The following KCNN2 variants were observed in gnomAD, a reference collection of about 807,000 sequenced individuals.
KCNN2 encodes the protein small conductance calcium-activated potassium channel protein 2.
A neutral mutation model predicts 55.5 loss-of-function variants in KCNN2; 24 were observed. The ratio of observed to expected loss-of-function variants is 0.43; its 90% CI spans 0.31 to 0.61. The LOEUF (loss-of-function observed/expected upper bound fraction) is 0.61. Ranked by LOEUF, KCNN2 falls within the 20% of genes least tolerant of loss-of-function variation. KCNN2 has a pLI of 0.08. For missense variants in KCNN2, 754 were observed against 853.6 expected, an observed-to-expected ratio of 0.88 and a Z score of 1.45; for synonymous variants, 431 against 336.1, an observed-to-expected ratio of 1.28 and a Z score of -3.09.
At chr5:114,131,839 T>C (rs1283579865) in intron 1 of KCNN2, among the ~76,000 whole-genome samples, 2 of 152,252 alleles carry the variant, frequency 1.3e-5, no homozygotes, top group Admixed American at 1.3e-4. Flanking sequence ...CATAAGATGG[T>C]ATCTCATTGT....
intron 2 of KCNN2, among the ~76,000 whole-genome samples, chr5:114,263,773 A>T (rs78605629): frequency 1.3e-5 from 2 of 152,292 alleles, no homozygotes; most frequent in Admixed American, 6.5e-5. Flanking sequence ...AAAACAACCA[A>T]CTTGACTAAC....
At chr5:114,343,231 G>C (rs982655928) in intron 2 of KCNN2, among the ~76,000 whole-genome samples, 1 of 152,150 alleles carries the variant, frequency 6.6e-6, no homozygotes, top group African/African-American at 2.4e-5. Flanking sequence ...GAGGCTTCTT[G>C]ACATTGATTT....
intron 1 of KCNN2, among the ~76,000 whole-genome samples, chr5:114,083,031 T>G (rs1475460154): frequency 6.6e-6 from 1 of 152,116 alleles, no homozygotes; most frequent in African/African-American, 2.4e-5. Flanking sequence ...GCATTGAACT[T>G]TATACTTAGG....
chr5:114,077,003 T>A (rs1314771780), intron 1 of KCNN2, among the ~76,000 whole-genome samples: 1 of 152,190 alleles, frequency 6.6e-6, no homozygotes, highest in African/African-American at 2.4e-5. Flanking sequence ...CCAAGAACTT[T>A]TTAATAGTGA....
At chr5:114,122,794 G>A (rs1751851546) in intron 1 of KCNN2, among the ~76,000 whole-genome samples, 1 of 152,214 alleles carries the variant, frequency 6.6e-6, no homozygotes, top group Non-Finnish European at 1.5e-5. Context: ...GGAGACACCT[G>A]GAAGAGAAGG....
intron 5 of KCNN2, among the ~76,000 whole-genome samples, chr5:114,477,675 T>C (rs905825809): frequency 7.2e-5 from 11 of 152,218 alleles, no homozygotes; most frequent in Non-Finnish European, 1.5e-4. Context: ...TTTGGAAATA[T>C]ATTATTATTA....
intron 1 of KCNN2, among the ~76,000 whole-genome samples, chr5:114,154,601 G>T (rs1752593452): frequency 6.6e-6 from 1 of 152,092 alleles, no homozygotes; most frequent in Admixed American, 6.5e-5. Context: ...TCATCCAGAT[G>T]GACTATATAA....
intron 2 of KCNN2, among the ~76,000 whole-genome samples, chr5:114,367,723 T>A (rs1424703683): frequency 6.6e-6 from 1 of 151,984 alleles, no homozygotes; most frequent in Non-Finnish European, 1.5e-5. Context: ...CAAAACGGAG[T>A]TCAACTATCC....
chr5:114,115,667 G>C (rs1201995751), intron 1 of KCNN2, among the ~76,000 whole-genome samples: 1 of 151,780 alleles, frequency 6.6e-6, no homozygotes, highest in Non-Finnish European at 1.5e-5. Context: ...TGGGTGATTT[G>C]GGAAATGTTG....
At chr5:114,213,133 A>T (rs1753923841) in intron 1 of KCNN2, among the ~76,000 whole-genome samples, 1 of 151,948 alleles carries the variant, frequency 6.6e-6, no homozygotes, top group African/African-American at 2.4e-5. Flanking sequence ...GCCATTAGAA[A>T]TTCCTTTGTC....
At chr5:114,103,144 A>AT (rs1319961784) in intron 1 of KCNN2, among the ~76,000 whole-genome samples, 4 of 151,984 alleles carry the variant, frequency 2.6e-5, no homozygotes, top group African/African-American at 9.7e-5. Flanking sequence ...CCTTGAAGAG[A>AT]TCCTCTACAT....
intron 2 of KCNN2, among the ~76,000 whole-genome samples, chr5:114,287,808 T>G (rs1037720): frequency 0.43 from 64,933 of 151,586 alleles, 14,612 homozygotes; most frequent in Non-Finnish European, 0.49. Context: ...TCTAACTAGA[T>G]AGGGTTGATG....
At chr5:114,396,069 C>G (rs912313469) in intron 2 of KCNN2, among the ~76,000 whole-genome samples, 3 of 152,210 alleles carry the variant, frequency 2.0e-5, no homozygotes, top group Non-Finnish European at 4.4e-5. Context: ...TTGCCTCCCT[C>G]CAGCCCTTGG....
chr5:114,096,964 C>G (rs1249294170), intron 1 of KCNN2, among the ~76,000 whole-genome samples: 1 of 151,838 alleles, frequency 6.6e-6, no homozygotes, highest in Non-Finnish European at 1.5e-5. Flanking sequence ...AGATGAGACA[C>G]TGAGACTCAG....
chr5:114,335,759 A>G (rs1300638985), intron 2 of KCNN2, among the ~76,000 whole-genome samples: 1 of 149,336 alleles, frequency 6.7e-6, no homozygotes, highest in Non-Finnish European at 1.5e-5. Context: ...CTCAAGAAAA[A>G]GAAAGAAAAA....
At chr5:114,154,986 GGTATTAAGACTA>G (rs965760310) in intron 1 of KCNN2, among the ~76,000 whole-genome samples, 131 of 152,058 alleles carry the variant, frequency 8.6e-4, no homozygotes, top group African/African-American at 3.1e-3. Flanking sequence ...TCATCACCCA[GGTATTAAGACTA>G]GTATCTATTA....
intron 2 of KCNN2, among the ~76,000 whole-genome samples, chr5:114,354,922 C>CA (rs1005614607): frequency 5.3e-5 from 8 of 152,190 alleles, no homozygotes; most frequent in African/African-American, 1.7e-4. Flanking sequence ...AGCCATAAGA[C>CA]AAAACAGCAG....
chr5:114,274,677 A>G (rs1755446282), intron 2 of KCNN2, among the ~76,000 whole-genome samples: 1 of 152,132 alleles, frequency 6.6e-6, no homozygotes, highest in African/African-American at 2.4e-5. Context: ...ATTTTTGCAC[A>G]TTGATTTTGT....
At chr5:114,308,775 CAGATGGATGGAT>C (rs1300884771) in intron 2 of KCNN2, among the ~76,000 whole-genome samples, 2 of 152,118 alleles carry the variant, frequency 1.3e-5, no homozygotes, top group Non-Finnish European at 2.9e-5. Flanking sequence ...GATGGATGGA[CAGATGGATGGAT>C]TAGGACTAAA....
Sources: allele counts gnomAD v4.1 joint callset (sites outside exome capture counted in the v4.1 genomes callset), GRCh38; gene constraint gnomAD v4.1.1; transcripts MANE v1.5; gene names NCBI Gene and HGNC (gene_info 2026-07-23, HGNC 2026-07-21).